The following VPS50 variants were observed in gnomAD, a reference collection of about 807,000 sequenced individuals.
VPS50 encodes syndetin.
In VPS50, 70 loss-of-function variants were observed where a neutral mutation model predicts 139.7. That is an observed-to-expected ratio of 0.50 (90% CI 0.41 to 0.61). The LOEUF is 0.61. VPS50 is among the 20% of genes least tolerant of loss of function. The pLI is 0.00. For missense variants in VPS50, 921 were observed against 1,133.7 expected (o/e 0.81, Z 2.69); for synonymous variants, 365 against 376.7 (o/e 0.97, Z 0.36).
At chr7:93,245,484 A>G (rs1208894620) in intron 2 of VPS50, among the ~76,000 whole-genome samples, 3 of 150,506 alleles carry the variant, frequency 2.0e-5, no homozygotes, top group African/African-American at 4.8e-5. Flanking sequence ...CAAAATTAAG[A>G]TGTACACACT....
intron 12 of VPS50, among the ~76,000 whole-genome samples, chr7:93,278,750 A>C (rs916952278): frequency 5.3e-5 from 8 of 151,240 alleles, no homozygotes; most frequent in African/African-American, 1.9e-4. Flanking sequence ...GTACTTTATT[A>C]TAAAATTATC....
rs527663058 is a variant in VPS50 at position 93,360,927 on chromosome 7, C to A, written c.*2491C>A. The A allele has an allele frequency of 6.6e-6, 1 of 151,896 alleles. No homozygotes were observed. The highest frequency in any genetic ancestry group is 1.5e-5 in the Non-Finnish European group (1 of 67,922). 9.4% of individuals were successfully genotyped at this position (151,896 alleles called of 1,614,324 possible). On this transcript the variant is annotated 3_prime_UTR_variant, in exon 28 of 28. Coordinates refer to ENST00000305866, the MANE Select transcript of VPS50 (RefSeq NM_017667.4). ...TTTACACAACTTATTAAATGAATTTCTCTTGAAACCAGGGCCATATGGTAT... is the reference window on the plus strand; with the variant it reads ...TTTACACAACTTATTAAATGAATTTATCTTGAAACCAGGGCCATATGGTAT...
At chr7:93,353,144 A>G (rs1161634625) in intron 25 of VPS50, among the ~76,000 whole-genome samples, 2 of 152,146 alleles carry the variant, frequency 1.3e-5, no homozygotes, top group Non-Finnish European at 2.9e-5. Context: ...AGGCATCCTC[A>G]ACCCATATCA....
intron 12 of VPS50, 42 bp downstream of exon 12, chr7:93,276,347 G>T: frequency 1.9e-6 from 3 of 1,548,510 alleles, no homozygotes; most frequent in South Asian, 1.2e-5. Context: ...CTCTCCTTTA[G>T]ATTTTAAATT....
At chr7:93,346,014 A>G (rs1405973549) in intron 23 of VPS50, among the ~76,000 whole-genome samples, 5 of 152,226 alleles carry the variant, frequency 3.3e-5, no homozygotes, top group Non-Finnish European at 7.3e-5. Context: ...AGGGTATTCA[A>G]TTAGGAAAAG....
At position 93,239,893 on chromosome 7, in the gene VPS50, A is replaced by G. The variant is rs757779296; in HGVS notation, c.61A>G (p.Ser21Gly). The G allele has an allele frequency of 6.2e-7, 1 of 1,607,024 alleles. No individual in the cohort carries two copies. The highest frequency in any genetic ancestry group is 1.7e-5 in the Admixed American group (1 of 59,936). The part of the protein sequence containing the change: ...QGLKSPQESL[S>G]DLGAIESLRV... ...TCTGAAAAGCCCTCAAGAAAGCCTCAGTGATCTTGGTGCCATAGAGAGTCT... is the reference window on the plus strand; with the variant it reads ...TCTGAAAAGCCCTCAAGAAAGCCTCGGTGATCTTGGTGCCATAGAGAGTCT... The change falls in exon 2 of 28, where the codon AGT (serine) becomes GGT (glycine). Residue 21 changes from serine to glycine, a missense_variant. Ser to Gly is a moderately conservative substitution (Grantham distance 56). This residue lies in a region of VPS50 where 744 missense variants were observed against 930.6 expected (regional missense o/e 0.80). Transcript: ENST00000305866.
At chr7:93,327,606 C>G (rs1404213194) in intron 21 of VPS50, among the ~76,000 whole-genome samples, 2 of 152,108 alleles carry the variant, frequency 1.3e-5, no homozygotes, top group East Asian at 3.8e-4. Context: ...TTCTGTAAGA[C>G]TCAGTAAGAG....
At chr7:93,267,823 T>C (rs1308158339) in intron 9 of VPS50, among the ~76,000 whole-genome samples, 1 of 152,238 alleles carries the variant, frequency 6.6e-6, no homozygotes, top group Non-Finnish European at 1.5e-5. Context: ...GTTCAGGTGC[T>C]GTGCACAGTA....
intron 21 of VPS50, among the ~76,000 whole-genome samples, chr7:93,329,630 A>G (rs1197907848): frequency 8.5e-5 from 13 of 152,118 alleles, no homozygotes; most frequent in African/African-American, 2.9e-4. Flanking sequence ...AGTACCTATG[A>G]TGAAACTTTT....
rs1798477003 is a variant in VPS50, at chr7:93,348,839, G to A, written c.2304+32G>A. On this transcript the variant is annotated intron_variant, in intron 24 of 27. Transcript: ENST00000305866. ...CATGGTCTTGTATGTCATTTCAACTGTGAGGAAGATAGGACTGTCACAGAT... is the reference window on the plus strand; with the variant it reads ...CATGGTCTTGTATGTCATTTCAACTATGAGGAAGATAGGACTGTCACAGAT... 3 of 1,391,774 alleles carry A rather than the reference G, an allele frequency of 2.2e-6. No homozygotes were observed. The South Asian group carries it at 3.5e-5, about 16-fold the overall frequency. The allele number at this position is 1,391,774 out of a possible 1,614,324, so 86.2% of individuals were successfully genotyped here. A position where few individuals can be genotyped will look rare whatever the true frequency, so the allele number is the denominator to read the frequency against.
At position 93,327,433 on chromosome 7, in the gene VPS50, C is replaced by T. The variant is rs948752393; in HGVS notation, c.1977+3701C>T. On this transcript the variant is annotated intron_variant, in intron 21 of 27. Transcript: ENST00000305866. ...AATGGTTTTGGGCATGATTTCCCAGCTCATTATATACTGACACAGAATTTT... is the reference window on the plus strand; with the variant it reads ...AATGGTTTTGGGCATGATTTCCCAGTTCATTATATACTGACACAGAATTTT... Among the ~76,000 whole-genome samples the T allele has an allele frequency of 2.0e-5, 3 of 152,126 alleles. No homozygotes were observed. The East Asian group carries it at 5.8e-4, about 29-fold the overall frequency.
rs1432252600 is a variant in VPS50 at position 93,341,477 on chromosome 7, G to T, written c.2109G>T (p.Lys703Asn). The change falls in exon 23 of 28, where the codon AAG becomes AAT. Residue 703 changes from lysine (K) to asparagine (N), a missense_variant. Physicochemically the swap from Lys to Asn is moderately conservative, Grantham distance 94. Transcript: ENST00000305866. The stretch of plus-strand genomic sequence containing the variant: ...CACTCACAGCAGCAGAAGAAAGAAA[G>T]GAGAAGGTGCCAAGTCCACACCTCA... ...TATLTAAEER[K>N]EKVPSPHLSH... 2.5e-6 allele frequency: 4 copies of T among 1,612,766 alleles called. No individual in the cohort carries two copies. Among genetic ancestry groups the T allele is most frequent in the Non-Finnish European group, 3.4e-6 (4 of 1,179,280 alleles).
intron 4 of VPS50, among the ~76,000 whole-genome samples, chr7:93,255,224 C>A (rs946910889): frequency 6.6e-6 from 1 of 152,102 alleles, no homozygotes; most frequent in Non-Finnish European, 1.5e-5. Context: ...TCAGTGGAAT[C>A]CCTGAGCTTG....
intron 20 of VPS50, among the ~76,000 whole-genome samples, chr7:93,312,016 C>A (rs1797283881): frequency 6.6e-6 from 1 of 151,918 alleles, no homozygotes; most frequent in Non-Finnish European, 1.5e-5. Flanking sequence ...TGGTATTTAC[C>A]TATTGCCTAG....
chr7:93,292,203 T>C (rs984529971), intron 13 of VPS50, among the ~76,000 whole-genome samples: 1 of 152,126 alleles, frequency 6.6e-6, no homozygotes, highest in Admixed American at 6.6e-5. Context: ...TTAATCTATT[T>C]AGCCAATTTT....
chr7:93,355,609 T>C (rs964721055), intron 26 of VPS50, among the ~76,000 whole-genome samples: 5 of 152,298 alleles, frequency 3.3e-5, no homozygotes, highest in East Asian at 1.9e-4. Context: ...CAGACAATTA[T>C]GTTGATTGAA....
At chr7:93,291,344 A>G (rs577051062) in intron 12 of VPS50, among the ~76,000 whole-genome samples, 73 of 152,178 alleles carry the variant, frequency 4.8e-4, no homozygotes, top group Non-Finnish European at 9.3e-4. Flanking sequence ...GGTCCAGGCT[A>G]TGTAAAGCTG....
intron 2 of VPS50, among the ~76,000 whole-genome samples, chr7:93,247,667 G>A (rs1177895554): frequency 6.6e-6 from 1 of 151,806 alleles, no homozygotes; most frequent in African/African-American, 2.4e-5. Context: ...TTTAACAACT[G>A]TTTGAGGGAA....
intron 9 of VPS50, among the ~76,000 whole-genome samples, chr7:93,264,796 A>G (rs1028950071): frequency 2.0e-5 from 3 of 152,184 alleles, no homozygotes; most frequent in Admixed American, 1.3e-4. Flanking sequence ...GGTCAGGGAC[A>G]TAAGGAGCCC....
Sources: gnomAD v4.1 joint callset for allele counts (sites outside exome capture counted in the v4.1 genomes callset) on GRCh38, gnomAD v4.1.1 for gene constraint, gnomAD v4.1.1 regional missense constraint, MANE v1.5 for transcripts, NCBI Gene and HGNC (gene_info 2026-07-23, HGNC 2026-07-21) for gene names.